Variants in MRPL15 observed in about 807,000 individuals in gnomAD.
MRPL15 encodes the protein mitochondrial ribosomal protein L15, also known as large ribosomal subunit protein uL15m.
In MRPL15, 24 loss-of-function variants were observed where a neutral mutation model predicts 28.0. The observed-to-expected ratio is 0.86, with a 90% confidence interval of 0.62 to 1.21. The LOEUF is 1.21. MRPL15 is among the 50% of genes most tolerant of loss of function. The probability of loss-of-function intolerance (pLI) is 0.00; values close to 1 mark genes in which losing one functional copy is unlikely to be tolerated. For missense variants in MRPL15, 343 were observed against 372.4 expected, an observed-to-expected ratio of 0.92 and a Z score of 0.65; for synonymous variants, 124 against 137.0, an observed-to-expected ratio of 0.90 and a Z score of 0.66.
Position 54,137,389 on chromosome 8 carries a change from A to T in MRPL15, c.385A>T (p.Ile129Phe). 6.2e-7 allele frequency: 1 copy of T among 1,614,170 alleles called. No homozygotes were observed. Among genetic ancestry groups the T allele is most frequent in the South Asian group, 1.1e-5 (1 of 91,082 alleles). The change falls in exon 3 of 5, where the codon ATC becomes TTC. Residue 129 changes from isoleucine (I) to phenylalanine (F), a missense_variant. Physicochemically the swap from Ile to Phe is conservative, Grantham distance 21. Coordinates refer to ENST00000260102, the MANE Select transcript of MRPL15 (RefSeq NM_014175.4). Reference protein sequence around the residue: ...TQLVNGRGVTIQPLKRDYGVQ... With the variant: ...TQLVNGRGVTFQPLKRDYGVQ... ...GCTTGTCAATGGGAGAGGTGTGACCATCCAGCCACTTAAAAGGGATTATGG... is the reference window on the plus strand; with the variant it reads ...GCTTGTCAATGGGAGAGGTGTGACCTTCCAGCCACTTAAAAGGGATTATGG...
intron 3 of MRPL15, among the ~76,000 whole-genome samples, chr8:54,141,621 C>T (rs1388201518): frequency 6.6e-6 from 1 of 152,108 alleles, no homozygotes; most frequent in Admixed American, 6.6e-5. Context: ...GGTTCCATGA[C>T]CGCCTCCTCT....
chr8:54,142,719 A>G lies in MRPL15; in HGVS notation c.486A>G (p.Leu162=), dbSNP rs774819802. 3 of 1,614,108 alleles carry G rather than the reference A, an allele frequency of 1.9e-6. No homozygotes were observed. The East Asian group carries it at 6.7e-5, about 36-fold the overall frequency. The change falls in exon 4 of 5, where the codon CTA becomes CTG. Residue 162 remains leucine, a synonymous_variant. Coordinates refer to ENST00000260102, the MANE Select transcript of MRPL15 (RefSeq NM_014175.4). ...TTGAAGTACAGTTGGCTTCAGAACT[A>G]GCTATTGCTGCCATTGAAAAAAATG... The part of the protein sequence containing the change: ...VNIEVQLASE[L]AIAAIEKNGG...
In MRPL15 at chr8:54,135,370, G is replaced by T. The variant is rs761701247; in HGVS notation, c.87G>T (p.Pro29=). ...LPRVSLANLK[P]NPGSKKPERR... is the part of the protein sequence containing the mutation. ...GTGTGAGCCTGGCCAACTTAAAGCC[G>T]AATCCCGGCTCCAAGAAACCGGTAA... Residue 29 remains proline (P), a synonymous_variant, in exon 1 of 5, where the codon CCG becomes CCT. Transcript: ENST00000260102. 4 of 1,525,158 alleles carry T rather than the reference G, an allele frequency of 2.6e-6. No individual in the cohort carries two copies. In the South Asian group the frequency reaches 3.6e-5, roughly 14 times the overall value. The allele number at this position is 1,525,158 out of a possible 1,614,324, so 94.5% of individuals were successfully genotyped here.
chr8:54,140,193 A>T (rs1235788855), intron 3 of MRPL15, among the ~76,000 whole-genome samples: 3 of 152,148 alleles, frequency 2.0e-5, no homozygotes, highest in Non-Finnish European at 4.4e-5. Context: ...AAAATATAGC[A>T]CATCCTGACT....
At position 54,147,548 on chromosome 8, in the gene MRPL15, T is replaced by C. The variant is rs1811066072; in HGVS notation, c.720T>C (p.Tyr240=). 5.0e-6 allele frequency: 8 copies of C among 1,614,098 alleles called. No individual in the cohort carries two copies. Among genetic ancestry groups the C allele is most frequent in the African/African-American group, 1.3e-5 (1 of 74,926 alleles). ...CACGACTTGAACTCGCCAGGAAGTA[T>C]GGTTATATCTTACCTGATATCACTA... The part of the protein sequence containing the change: ...PEARLELARK[Y]GYILPDITKD... The change falls in exon 5 of 5, where the codon TAT becomes TAC. Residue 240 remains tyrosine, a synonymous_variant. Coordinates refer to ENST00000260102, the MANE Select transcript of MRPL15 (RefSeq NM_014175.4).
intron 4 of MRPL15, among the ~76,000 whole-genome samples, chr8:54,145,366 C>T (rs1305841127): frequency 1.3e-5 from 2 of 152,060 alleles, no homozygotes; most frequent in Non-Finnish European, 2.9e-5. Context: ...AGGTGTGTGC[C>T]ACCATGCCTG....
intron 3 of MRPL15, among the ~76,000 whole-genome samples, chr8:54,139,857 A>G (rs1030834477): frequency 6.6e-6 from 1 of 152,346 alleles, no homozygotes; most frequent in East Asian, 1.9e-4. Context: ...TACTGAAAAT[A>G]CTGGAACTGA....
intron 1 of MRPL15, 58 bp from the exon 2 acceptor site, chr8:54,136,453 G>A: frequency 6.4e-7 from 1 of 1,560,332 alleles, no homozygotes; most frequent in Non-Finnish European, 8.7e-7. Context: ...GTGAAGAGCT[G>A]AAATGCAGTT....
intron 2 of MRPL15, 45 bp downstream of exon 2, chr8:54,136,710 TA>T: frequency 6.5e-7 from 1 of 1,548,726 alleles, no homozygotes; most frequent in Non-Finnish European, 8.7e-7. Context: ...CAATTTCCAT[TA>T]AAAAGCACCT....
At chr8:54,146,520 T>C (rs1811048361) in intron 4 of MRPL15, among the ~76,000 whole-genome samples, 1 of 152,310 alleles carries the variant, frequency 6.6e-6, no homozygotes. Flanking sequence ...ATCTGTCTCA[T>C]TGTATACCAA....
chr8:54,140,387 G>A (rs1282544350), intron 3 of MRPL15, among the ~76,000 whole-genome samples: 1 of 151,366 alleles, frequency 6.6e-6, no homozygotes, highest in Non-Finnish European at 1.5e-5. Context: ...TCAGCCTCCC[G>A]AGTAGCTGGG....
At chr8:54,138,023 C>T (rs899093724) in intron 3 of MRPL15, among the ~76,000 whole-genome samples, 2 of 151,802 alleles carry the variant, frequency 1.3e-5, no homozygotes, top group African/African-American at 2.4e-5. Context: ...GGCACGATCT[C>T]GGCTCACTGC....
chr8:54,140,666 C>T (rs547721485), intron 3 of MRPL15, among the ~76,000 whole-genome samples: 81 of 142,308 alleles, frequency 5.7e-4, no homozygotes, highest in African/African-American at 1.0e-3. Context: ...CTCCGCCTCC[C>T]GGGTTCACAC....
At chr8:54,142,293 T>C (rs1221461910) in intron 3 of MRPL15, among the ~76,000 whole-genome samples, 1 of 152,014 alleles carries the variant, frequency 6.6e-6, no homozygotes, top group East Asian at 1.9e-4. Context: ...TAGCTGGGAC[T>C]ACAGGCACGC....
chr8:54,142,454 C>T (rs1810945222), intron 3 of MRPL15, among the ~76,000 whole-genome samples: 1 of 152,188 alleles, frequency 6.6e-6, no homozygotes, highest in African/African-American at 2.4e-5. Flanking sequence ...CTGCGCCCAG[C>T]CTTATTTTTT....
intron 4 of MRPL15, among the ~76,000 whole-genome samples, chr8:54,145,276 G>C (rs1811023645): frequency 6.6e-6 from 1 of 152,148 alleles, no homozygotes; most frequent in African/African-American, 2.4e-5. Flanking sequence ...ATGTAGTGGT[G>C]TGATCAAGGC....
intron 4 of MRPL15, among the ~76,000 whole-genome samples, chr8:54,144,553 A>G (rs1303150538): frequency 6.6e-6 from 1 of 152,078 alleles, no homozygotes; most frequent in Non-Finnish European, 1.5e-5. Flanking sequence ...GACGGATCAC[A>G]TGAGGTCAGG....
rs1470507692 is a variant in MRPL15, at chr8:54,135,241, G to A, written c.-43G>A. On this transcript the variant is annotated 5_prime_UTR_variant, in exon 1 of 5. Coordinates refer to ENST00000260102, the MANE Select transcript of MRPL15 (RefSeq NM_014175.4). ...CAGCCCCCGAGACCACGTGGCCTCCGAGCAGCTCAGGGCGCCCTTGAAAGT... is the reference window on the plus strand; with the variant it reads ...CAGCCCCCGAGACCACGTGGCCTCCAAGCAGCTCAGGGCGCCCTTGAAAGT... The A allele has an allele frequency of 1.6e-6, 2 of 1,247,450 alleles. No homozygotes were observed. The highest frequency in any genetic ancestry group is 4.2e-5 in the Admixed American group (1 of 23,856). 77.3% of individuals were successfully genotyped at this position (1,247,450 alleles called of 1,614,324 possible). A position where few individuals can be genotyped will look rare whatever the true frequency, so the allele number is the denominator to read the frequency against.
intron 3 of MRPL15, 42 bp from the exon 4 acceptor site, chr8:54,142,621 T>C (rs1329219041): frequency 6.3e-7 from 1 of 1,597,858 alleles, no homozygotes; most frequent in African/African-American, 1.3e-5. Flanking sequence ...AATTTACTTT[T>C]AGCCAAGCTG....
Sources: allele counts gnomAD v4.1 joint callset (sites outside exome capture counted in the v4.1 genomes callset), GRCh38; gene constraint gnomAD v4.1.1; transcripts MANE v1.5; gene names NCBI Gene and HGNC (gene_info 2026-07-23, HGNC 2026-07-21).